ZNF135: variants seen among roughly 807,000 people sequenced by gnomAD.
ZNF135 encodes the protein zinc finger protein 135 (clone pHZ-17).
ZNF135 carries 11 observed loss-of-function variants against 12.3 expected under a neutral mutation model. The ratio of observed to expected loss-of-function variants is 0.89; its 90% CI spans 0.56 to 1.48. ZNF135 has a LOEUF of 1.48. ZNF135 is among the 40% of genes most tolerant of loss of function. The pLI is 0.00. For synonymous variants in ZNF135, 316 were observed against 312.0 expected, an observed-to-expected ratio of 1.01 and a Z score of -0.14; for missense variants, 722 against 815.7, an observed-to-expected ratio of 0.89 and a Z score of 1.40.
chr19:58,059,374 G>C lies in ZNF135; in HGVS notation c.-35+64G>C. On this transcript the variant is annotated intron_variant, in intron 1 of 4. Transcript: ENST00000313434. This position sits in a 1 kb window ranked among gnomAD's most constrained non-coding sequence, Gnocchi z 6.5. ...CCGGGCCGGGCCGGGCCGGGTGCGG[G>C]GGGTCCGGGGATCTTCCTGAGGCCC... The C allele has an allele frequency of 1.2e-6, 1 of 847,860 alleles. No homozygotes were observed. Among genetic ancestry groups the C allele is most frequent in the Non-Finnish European group, 1.7e-6 (1 of 594,152 alleles). 52.5% of individuals were successfully genotyped at this position (847,860 alleles called of 1,614,324 possible). A position where few individuals can be genotyped will look rare whatever the true frequency, so the allele number is the denominator to read the frequency against.
chr19:58,062,161 G>A (rs2073992432), intron 3 of ZNF135, among the ~76,000 whole-genome samples: 1 of 152,170 alleles, frequency 6.6e-6, no homozygotes, highest in Admixed American at 6.5e-5. Context: ...TCAGTGTTTG[G>A]TGAGGGCTTG....
chr19:58,062,885 C>T (rs1414806604), intron 3 of ZNF135, among the ~76,000 whole-genome samples: 1 of 151,864 alleles, frequency 6.6e-6, no homozygotes, highest in Non-Finnish European at 1.5e-5. Flanking sequence ...GAGACGGGTC[C>T]TTGCTGTGTT....
At position 58,068,314 on chromosome 19, in the gene ZNF135, T is replaced by C. The variant is rs762573456; in HGVS notation, c.1830T>C (p.Asp610=). The change falls in exon 5 of 5, where the codon GAT becomes GAC. Residue 610 remains aspartate (D), a synonymous_variant. Coordinates refer to ENST00000313434, the MANE Select transcript of ZNF135 (RefSeq NM_001289401.2). ...HTGEKPYECH[D]CGKSFRQSTH... Reference sequence around the variant, plus strand: ...GGGAAAAGCCCTATGAGTGTCACGATTGCGGAAAGTCCTTTAGGCAGAGCA... The same window carrying C: ...GGGAAAAGCCCTATGAGTGTCACGACTGCGGAAAGTCCTTTAGGCAGAGCA... 2.9e-5 allele frequency: 47 copies of C among 1,610,724 alleles called. No homozygotes were observed. Among genetic ancestry groups the C allele is most frequent in the Non-Finnish European group, 3.6e-5 (43 of 1,178,972 alleles).
In ZNF135 at chr19:58,068,428, C is replaced by G; in HGVS notation, c.1944C>G (p.Ser648=). The G allele has an allele frequency of 6.2e-7, 1 of 1,614,056 alleles. No individual in the cohort carries two copies. Among genetic ancestry groups the G allele is most frequent in the Non-Finnish European group, 8.5e-7 (1 of 1,179,952 alleles). Residue 648 remains serine, a synonymous_variant, in exon 5 of 5, where the codon TCC becomes TCG. Transcript: ENST00000313434. Reference sequence around the variant, plus strand: ...GAAAGGCCTTTACCCACAGCTCCTCCCTTACCAAGCACCAGAGAACTCACA... The same window carrying G: ...GAAAGGCCTTTACCCACAGCTCCTCGCTTACCAAGCACCAGAGAACTCACA... The part of the protein sequence containing the change: ...DCGKAFTHSS[S]LTKHQRTHTG
rs756446574 is a variant in ZNF135 at position 58,066,922 on chromosome 19, G to A, written c.438G>A (p.Pro146=). ...SCESLESLAV[P]VAFTPVKTPV... ...AGAGTCTAGAGAGCCTGGCAGTGCCGGTGGCCTTCACGCCTGTGAAGACGC... is the reference window on the plus strand; with the variant it reads ...AGAGTCTAGAGAGCCTGGCAGTGCCAGTGGCCTTCACGCCTGTGAAGACGC... Residue 146 remains proline, a synonymous_variant, in exon 5 of 5, where the codon CCG becomes CCA. Coordinates refer to ENST00000313434, the MANE Select transcript of ZNF135 (RefSeq NM_001289401.2). The A allele has an allele frequency of 2.9e-5, 47 of 1,614,190 alleles. No homozygotes were observed. The highest frequency in any genetic ancestry group is 6.7e-5 in the African/African-American group (5 of 75,036).
In ZNF135 at chr19:58,067,895, T is replaced by C; in HGVS notation, c.1411T>C (p.Cys471Arg). Residue 471 changes from cysteine to arginine, a missense_variant, in exon 5 of 5, where the codon TGT becomes CGT. Cys to Arg is a radical substitution (Grantham distance 180). Transcript: ENST00000313434. ...TGEKPYECSQ[C>R]GKAFRQSTHL... ...AGAGAAGCCCTATGAGTGCAGTCAG[T>C]GTGGGAAGGCCTTCCGGCAGAGCAC... 1 of 1,612,058 alleles carries C rather than the reference T, an allele frequency of 6.2e-7. No homozygotes were observed. The highest frequency in any genetic ancestry group is 8.5e-7 in the Non-Finnish European group (1 of 1,179,564).
In ZNF135 at chr19:58,059,836, A is replaced by T; in HGVS notation, c.-34-133A>T. ...AGCGGAGGGCCGCCCCACACACAGC[A>T]GGCGCTTAAACGGGTACGCGGGGCC... On this transcript the variant is annotated intron_variant, in intron 1 of 4. Transcript: ENST00000313434. This position sits in a 1 kb window ranked among gnomAD's most constrained non-coding sequence, Gnocchi z 6.5. 1 of 1,069,420 alleles carries T rather than the reference A, an allele frequency of 9.4e-7. No individual in the cohort carries two copies. The highest frequency in any genetic ancestry group is 1.3e-6 in the Non-Finnish European group (1 of 759,112). 66.2% of individuals were successfully genotyped at this position (1,069,420 alleles called of 1,614,324 possible).
At position 58,068,699 on chromosome 19, in the gene ZNF135, C is replaced by T; in HGVS notation, c.*238C>T. 3.9e-6 allele frequency: 2 copies of T among 517,496 alleles called. No homozygotes were observed. The highest frequency in any genetic ancestry group is 3.2e-5 in the East Asian group (1 of 31,650). 32.1% of individuals were successfully genotyped at this position (517,496 alleles called of 1,614,324 possible). On this transcript the variant is annotated 3_prime_UTR_variant, in exon 5 of 5. Transcript: ENST00000313434. Reference sequence around the variant, plus strand: ...TAGGGAAACGTGGAGATAATCAACACTCAGGACCTTCAGCCTTGAACGCCC... The same window carrying T: ...TAGGGAAACGTGGAGATAATCAACATTCAGGACCTTCAGCCTTGAACGCCC...
At chr19:58,066,528 T>C (rs1269593874) in intron 4 of ZNF135, among the ~76,000 whole-genome samples, 5 of 152,206 alleles carry the variant, frequency 3.3e-5, no homozygotes, top group South Asian at 2.1e-4. Context: ...TCTTTCCTCT[T>C]CCTTTCCTTA....
intron 4 of ZNF135, among the ~76,000 whole-genome samples, chr19:58,064,081 A>C (rs1349462171): frequency 6.6e-6 from 1 of 152,196 alleles, no homozygotes; most frequent in African/African-American, 2.4e-5. Flanking sequence ...TCTGTGGGTC[A>C]GTGGATCCAG....
rs1253758775 is a variant in ZNF135, at chr19:58,068,277, G to A, written c.1793G>A (p.Arg598Lys). 6.2e-7 allele frequency: 1 copy of A among 1,614,010 alleles called. No homozygotes were observed. Among genetic ancestry groups the A allele is most frequent in the African/African-American group, 1.3e-5 (1 of 74,906 alleles). ...SHSSSLSQHERTHTGEKPYEC... is the reference protein window; with the variant it reads ...SHSSSLSQHEKTHTGEKPYEC... ...AGCTCCTCGCTCAGCCAGCACGAAA[G>A]GACGCACACTGGGGAAAAGCCCTAT... Residue 598 changes from arginine to lysine, a missense_variant, in exon 5 of 5, where the codon AGG (arginine) becomes AAG (lysine). Transcript: ENST00000313434.
In ZNF135 at chr19:58,065,777, G is replaced by A. The variant is rs1157816971; in HGVS notation, c.257-964G>A. Reference sequence around the variant, plus strand: ...TACAGGTTATAGGGTTAGGATGTGGGCATCTTGGGAAGCCACTATTCTGCC... The same window carrying A: ...TACAGGTTATAGGGTTAGGATGTGGACATCTTGGGAAGCCACTATTCTGCC... On this transcript the variant is annotated intron_variant, in intron 4 of 4. Coordinates refer to ENST00000313434, the MANE Select transcript of ZNF135 (RefSeq NM_001289401.2). This position sits in a 1 kb window ranked among gnomAD's most constrained non-coding sequence, Gnocchi z 4.0. 6.6e-6 allele frequency among the ~76,000 whole-genome samples: 1 copy of A among 151,298 alleles called. No individual in the cohort carries two copies. Among genetic ancestry groups the A allele is most frequent in the Non-Finnish European group, 1.5e-5 (1 of 67,922 alleles).
rs2073946646 is a variant in ZNF135 at position 58,060,141 on chromosome 19, G to A, written c.33+106G>A. 2.5e-6 allele frequency: 4 copies of A among 1,576,140 alleles called. No individual in the cohort carries two copies. In the Admixed American group the frequency reaches 7.0e-5, roughly 28 times the overall value. ...CTCTTTGCACCCCGTCCCTACTCGC[G>A]CTCAGCCTCCTCCTTGTGCCCGGCC... On this transcript the variant is annotated intron_variant, in intron 2 of 4. Transcript: ENST00000313434. The surrounding 1 kb of genome is among the most constrained non-coding windows in gnomAD (Gnocchi z 4.9).
chr19:58,064,326 G>T (rs571961920), intron 4 of ZNF135, among the ~76,000 whole-genome samples: 1 of 152,006 alleles, frequency 6.6e-6, no homozygotes, highest in African/African-American at 2.4e-5. Flanking sequence ...CAAATGACCC[G>T]TGAATAACAT....
chr19:58,062,076 G>GT (rs1355315152), intron 3 of ZNF135, among the ~76,000 whole-genome samples: 5 of 152,138 alleles, frequency 3.3e-5, no homozygotes, highest in African/African-American at 1.2e-4. Context: ...CTTAGACTGG[G>GT]TAATTTTAAA....
rs1479093651 is a variant in ZNF135 at position 58,066,982 on chromosome 19, GGAA to G, written c.499_501del (p.Glu167del). On this transcript the variant is annotated inframe_deletion, in exon 5 of 5. Coordinates refer to ENST00000313434, the MANE Select transcript of ZNF135 (RefSeq NM_001289401.2). The stretch of plus-strand genomic sequence containing the variant: ...AGCAGTGGCAGAGGAATGGGTTTGG[GGAA>G]AACATAAGTCTGAACCCTGATCTCC... 1 of 1,614,132 alleles carries G rather than the reference GGAA, an allele frequency of 6.2e-7. No homozygotes were observed. The highest frequency in any genetic ancestry group is 8.5e-7 in the Non-Finnish European group (1 of 1,180,022).
chr19:58,066,629 AC>A (rs2074070570), intron 4 of ZNF135, 111 bp from the exon 5 acceptor site: 1 of 1,436,624 alleles, frequency 7.0e-7, no homozygotes, highest in Non-Finnish European at 9.3e-7. Context: ...AGCCACTTGA[AC>A]CTTGAACGTT....
chr19:58,062,891 G>C (rs1028482471), intron 3 of ZNF135, among the ~76,000 whole-genome samples: 1 of 151,702 alleles, frequency 6.6e-6, no homozygotes, highest in Non-Finnish European at 1.5e-5. Context: ...GGTCCTTGCT[G>C]TGTTGCCCAG....
At chr19:58,064,419 C>G (rs2145930694) in intron 4 of ZNF135, among the ~76,000 whole-genome samples, 1 of 152,186 alleles carries the variant, frequency 6.6e-6, no homozygotes, top group East Asian at 1.9e-4. Flanking sequence ...AACCCCTCCT[C>G]CTACTCCTCA....
Sources: allele counts gnomAD v4.1 joint callset (sites outside exome capture counted in the v4.1 genomes callset), GRCh38; gene constraint gnomAD v4.1.1; non-coding constraint Gnocchi (gnomAD v3.1); transcripts MANE v1.5; gene names NCBI Gene and HGNC (gene_info 2026-07-23, HGNC 2026-07-21).